Variants in UBE2R2 observed in about 807,000 individuals in gnomAD.
UBE2R2 encodes the protein ubiquitin conjugating enzyme E2 R2.
A neutral mutation model predicts 27.8 loss-of-function variants in UBE2R2; 1 was observed. The ratio of observed to expected loss-of-function variants is 0.04; its 90% CI spans 0.01 to 0.17. UBE2R2 has a LOEUF of 0.17. UBE2R2 is among the 10% of genes least tolerant of loss of function. The probability of loss-of-function intolerance (pLI) is 1.00; values close to 1 mark genes in which losing one functional copy is unlikely to be tolerated. For missense variants in UBE2R2, 100 were observed against 291.0 expected (o/e 0.34, Z 4.78); for synonymous variants, 106 against 113.3 (o/e 0.94, Z 0.41).
At chr9:33,884,522 C>T (rs1335373678) in intron 1 of UBE2R2, among the ~76,000 whole-genome samples, 1 of 152,042 alleles carries the variant, frequency 6.6e-6, no homozygotes, top group Non-Finnish European at 1.5e-5. Flanking sequence ...AAGGGATCCA[C>T]CTGCCTGAGC....
intron 1 of UBE2R2, among the ~76,000 whole-genome samples, chr9:33,858,392 G>A (rs1287218626): frequency 2.0e-5 from 3 of 152,080 alleles, no homozygotes; most frequent in Non-Finnish European, 4.4e-5. Context: ...TTGAATATTT[G>A]TAATCTATAA....
At chr9:33,848,964 A>G (rs1820903971) in intron 1 of UBE2R2, among the ~76,000 whole-genome samples, 1 of 150,372 alleles carries the variant, frequency 6.7e-6, no homozygotes, top group Non-Finnish European at 1.5e-5. Flanking sequence ...GATAATAATA[A>G]CTCCTGTTTA....
chr9:33,891,882 A>C (rs898046126), intron 2 of UBE2R2, among the ~76,000 whole-genome samples: 1 of 152,076 alleles, frequency 6.6e-6, no homozygotes, highest in Non-Finnish European at 1.5e-5. Context: ...GGCTGAGGCA[A>C]GTTCACCAGG....
chr9:33,897,929 CCA>C (rs1165950565), intron 2 of UBE2R2, among the ~76,000 whole-genome samples: 1 of 151,328 alleles, frequency 6.6e-6, no homozygotes, highest in Non-Finnish European at 1.5e-5. Flanking sequence ...GCATGCACCA[CCA>C]CGCCTGGCTA....
chr9:33,908,077 G>A (rs1429320961), intron 3 of UBE2R2, among the ~76,000 whole-genome samples: 1 of 152,116 alleles, frequency 6.6e-6, no homozygotes, highest in Non-Finnish European at 1.5e-5. Context: ...CGCCTGCCTC[G>A]GCCTCCCAAA....
At chr9:33,862,953 C>T (rs1046976727) in intron 1 of UBE2R2, among the ~76,000 whole-genome samples, 4 of 151,784 alleles carry the variant, frequency 2.6e-5, no homozygotes, top group Admixed American at 2.6e-4. Flanking sequence ...CTTTGGGAGG[C>T]CTAGGTGGGC....
At chr9:33,866,887 A>G (rs1394366624) in intron 1 of UBE2R2, among the ~76,000 whole-genome samples, 1 of 152,150 alleles carries the variant, frequency 6.6e-6, no homozygotes, top group East Asian at 1.9e-4. Flanking sequence ...TGTATTGTGA[A>G]TAACTTCTTC....
At chr9:33,894,256 A>G (rs1195788772) in intron 2 of UBE2R2, among the ~76,000 whole-genome samples, 1 of 151,980 alleles carries the variant, frequency 6.6e-6, no homozygotes, top group African/African-American at 2.4e-5. Flanking sequence ...ACATAGCAAG[A>G]TCCCCATCTC....
chr9:33,816,470 C>G (rs1056133511), upstream of UBE2R2, among the ~76,000 whole-genome samples: 4 of 152,196 alleles, frequency 2.6e-5, no homozygotes, highest in African/African-American at 9.7e-5. Context: ...ATGAGAAGGG[C>G]TAGAGACCCA....
At chr9:33,880,722 G>A (rs796170448) in intron 1 of UBE2R2, among the ~76,000 whole-genome samples, 4 of 152,278 alleles carry the variant, frequency 2.6e-5, no homozygotes, top group African/African-American at 9.6e-5. Flanking sequence ...GAAGTAGGCC[G>A]CACAGCAGGA....
chr9:33,845,483 C>T (rs1039353812), intron 1 of UBE2R2, among the ~76,000 whole-genome samples: 1 of 151,600 alleles, frequency 6.6e-6, no homozygotes, highest in Non-Finnish European at 1.5e-5. Context: ...CTCCTGACCT[C>T]GTGATCTGCC....
chr9:33,904,646 G>A (rs1163450072), intron 3 of UBE2R2, among the ~76,000 whole-genome samples: 1 of 152,194 alleles, frequency 6.6e-6, no homozygotes, highest in East Asian at 1.9e-4. Context: ...AGTAGTGAGA[G>A]TTAGCCAACC....
chr9:33,840,910 CTATTT>C (rs1424935573), intron 1 of UBE2R2, among the ~76,000 whole-genome samples: 3 of 151,852 alleles, frequency 2.0e-5, no homozygotes, highest in Non-Finnish European at 2.9e-5. Context: ...AGAGAACCAG[CTATTT>C]AATTTAATTT....
intron 1 of UBE2R2, among the ~76,000 whole-genome samples, chr9:33,835,746 G>A (rs921286699): frequency 2.6e-5 from 4 of 151,712 alleles, no homozygotes; most frequent in Admixed American, 6.6e-5. Flanking sequence ...AGCCAGGCCT[G>A]GTGGCACGCA....
intron 1 of UBE2R2, among the ~76,000 whole-genome samples, chr9:33,863,208 G>T (rs1357875725): frequency 6.9e-6 from 1 of 145,466 alleles, no homozygotes; most frequent in African/African-American, 2.6e-5. Context: ...AAAAAAAGAA[G>T]AAGAAAAGAA....
chr9:33,848,424 C>T (rs889795898), intron 1 of UBE2R2, among the ~76,000 whole-genome samples: 16 of 152,060 alleles, frequency 1.1e-4, no homozygotes, highest in African/African-American at 3.4e-4. Flanking sequence ...TGATATCTTT[C>T]TCCCTCTTTC....
In UBE2R2 at chr9:33,884,198, ATCTCTCTCTC is replaced by A. The variant is rs777923492; in HGVS notation, c.178-2655_178-2646del. On this transcript the variant is annotated intron_variant, in intron 1 of 4. Transcript: ENST00000263228. Reference sequence around the variant, plus strand: ...AGTTTTTGTACTTAACAACTTAAGAATCTCTCTCTCTCTCTCTCTCTCTCTCTCTCTCTCT... The same window carrying A: ...AGTTTTTGTACTTAACAACTTAAGAATCTCTCTCTCTCTCTCTCTCTCTCT... Among the ~76,000 whole-genome samples the A allele has an allele frequency of 3.0e-4, 19 of 63,476 alleles. No individual in the cohort carries two copies. The East Asian group carries it at 4.8e-3, about 16-fold the overall frequency. 41.6% of individuals were successfully genotyped at this position (63,476 alleles called of 152,430 possible).
chr9:33,858,847 T>C (rs974895110), intron 1 of UBE2R2, among the ~76,000 whole-genome samples: 4 of 152,154 alleles, frequency 2.6e-5, no homozygotes, highest in African/African-American at 9.7e-5. Context: ...TTGTTTGAGA[T>C]GGAGCCTCAC....
At position 33,883,002 on chromosome 9, in the gene UBE2R2, T is replaced by C. The variant is rs191986817; in HGVS notation, c.178-3879T>C. 1.1e-3 allele frequency among the ~76,000 whole-genome samples: 168 copies of C among 152,192 alleles called. 1 individual carries two copies. The highest frequency in any genetic ancestry group is 3.9e-3 in the African/African-American group (161 of 41,512). ...TACTCGAGAGGCTGAGGCAGGAGAA[T>C]CGCTTGAACCCAGGAAGTGGAAGTT... is the stretch of plus-strand genomic sequence containing the variant. On this transcript the variant is annotated intron_variant, in intron 1 of 4. Coordinates refer to ENST00000263228, the MANE Select transcript of UBE2R2 (RefSeq NM_017811.4).
Sources: gnomAD v4.1 joint callset for allele counts (sites outside exome capture counted in the v4.1 genomes callset) on GRCh38, gnomAD v4.1.1 for gene constraint, MANE v1.5 for transcripts, NCBI Gene and HGNC (gene_info 2026-07-23, HGNC 2026-07-21) for gene names.